The following POLM variants were observed in gnomAD, a reference collection of about 807,000 sequenced individuals.
The protein encoded by POLM is DNA-directed DNA/RNA polymerase mu.
A neutral mutation model predicts 56.7 loss-of-function variants in POLM; 52 were observed. The observed-to-expected ratio is 0.92, with a 90% CI of 0.73 to 1.15. The LOEUF is 1.15. Among genes scored for constraint, POLM ranks in the 50% most tolerant of loss-of-function variants. POLM has a pLI of 0.00. For missense variants in POLM, 660 were observed against 663.6 expected, an observed-to-expected ratio of 0.99 and a Z score of 0.06; for synonymous variants, 273 against 274.3, an observed-to-expected ratio of 1.00 and a Z score of 0.05.
At position 44,079,592 on chromosome 7, in the gene POLM, T is replaced by G. The variant is rs774825076; in HGVS notation, c.621A>C (p.Glu207Asp). 6 of 1,610,582 alleles carry G rather than the reference T, an allele frequency of 3.7e-6. No individual in the cohort carries two copies. Among genetic ancestry groups the G allele is most frequent in the South Asian group, 3.3e-5 (3 of 91,050 alleles). Residue 207 changes from glutamate to aspartate, a missense_variant, in exon 4 of 11, where the codon GAA becomes GAC. Physicochemically the swap from Glu to Asp is conservative, Grantham distance 45. Coordinates refer to ENST00000242248, the MANE Select transcript of POLM (RefSeq NM_013284.4). ...CTACCTGGACAACCCTAGAGGAGTGTTCTCCAAAGTGGGGAAGCCCCTGCA... is the reference window on the plus strand; with the variant it reads ...CTACCTGGACAACCCTAGAGGAGTGGTCTCCAAAGTGGGGAAGCCCCTGCA... ...SQLQGLPHFG[E>D]HSSRVVQELL... is the part of the protein sequence containing the mutation.
chr7:44,076,444 T>G (rs1475836947), intron 6 of POLM, 65 bp downstream of exon 6: 2 of 1,602,882 alleles, frequency 1.2e-6, no homozygotes, highest in Non-Finnish European at 1.7e-6. Context: ...TCTAGGGAGT[T>G]GATGCTGAGG....
In POLM at chr7:44,073,333, G is replaced by C. The variant is rs2096173511; in HGVS notation, c.1443C>G (p.His481Gln). ...QAASEEDIFR[H>Q]LGLEYLPPEQ... The stretch of plus-strand genomic sequence containing the variant: ...CTGGAGGAAGGTACTCAAGGCCCAG[G>C]TGTCTGAAGATGTCTTCCTCTGAAG... The change falls in exon 11 of 11, where the codon CAC becomes CAG. Residue 481 changes from histidine (H) to glutamine (Q), a missense_variant. Coordinates refer to ENST00000242248, the MANE Select transcript of POLM (RefSeq NM_013284.4). 2 of 1,614,216 alleles carry C rather than the reference G, an allele frequency of 1.2e-6. No individual in the cohort carries two copies. Among genetic ancestry groups the C allele is most frequent in the South Asian group, 1.1e-5 (1 of 91,088 alleles).
chr7:44,080,208 T>C (rs949402677), intron 2 of POLM, among the ~76,000 whole-genome samples: 2 of 152,220 alleles, frequency 1.3e-5, no homozygotes, highest in African/African-American at 2.4e-5. Context: ...GCACTTCTCC[T>C]GCTGCTGCAC....
In POLM at chr7:44,072,288, G is replaced by T. The variant is rs2096170726; in HGVS notation, c.*1003C>A. ...AAAATATTTTTTAATGTGATGAGTG[G>T]TCTGGGAAATCCTCGCCTAACAAAG... is the stretch of plus-strand genomic sequence containing the variant. On this transcript the variant is annotated 3_prime_UTR_variant, in exon 11 of 11. Coordinates refer to ENST00000242248, the MANE Select transcript of POLM (RefSeq NM_013284.4). 6.6e-6 allele frequency: 1 copy of T among 152,228 alleles called. No homozygotes were observed. Among genetic ancestry groups the T allele is most frequent in the Admixed American group, 6.5e-5 (1 of 15,284 alleles). 9.4% of individuals were successfully genotyped at this position (152,228 alleles called of 1,614,324 possible).
intron 4 of POLM, 99 bp from the exon 5 acceptor site, chr7:44,078,910 C>A: frequency 1.1e-6 from 1 of 903,084 alleles, no homozygotes. Context: ...AGGACTGAGG[C>A]AGTCCCCTCC....
In POLM at chr7:44,080,934, G is replaced by A. The variant is rs146612313; in HGVS notation, c.189-18C>T. On this transcript the variant is annotated intron_variant, in intron 1 of 10. Coordinates refer to ENST00000242248, the MANE Select transcript of POLM (RefSeq NM_013284.4). ...CTTCGGAGCTGGTGGAGGGAGTTGG[G>A]AGAGAAGGAGGAGGGTGAGGCCCAG... 9.4e-5 allele frequency: 145 copies of A among 1,544,344 alleles called. No individual in the cohort carries two copies. In the East Asian group the frequency reaches 2.9e-3, roughly 30 times the overall value.
At chr7:44,078,887 G>A (rs1044611935) in intron 4 of POLM, 76 bp from the exon 5 acceptor site, 3 of 1,279,848 alleles carry the variant, frequency 2.3e-6, no homozygotes, top group Non-Finnish European at 3.3e-6. Flanking sequence ...TTAGGGTCAG[G>A]GCTGGGGGCC....
chr7:44,080,087 G>A, intron 2 of POLM, 128 bp from the exon 3 acceptor site: 1 of 692,298 alleles, frequency 1.4e-6, no homozygotes, highest in Non-Finnish European at 2.6e-6. Flanking sequence ...ACAGAGGTGG[G>A]CAACAAAACA....
At chr7:44,080,324 G>A in intron 2 of POLM, 1 of 541,902 alleles carries the variant, frequency 1.8e-6, no homozygotes, top group Non-Finnish European at 3.5e-6. Context: ...CACAGGCTGG[G>A]CCAGGATTTG....
At position 44,078,814 on chromosome 7, in the gene POLM, G is replaced by A. The variant is rs765606277; in HGVS notation, c.643-3C>T. The A allele has an allele frequency of 2.5e-6, 4 of 1,612,692 alleles. No homozygotes were observed. The highest frequency in any genetic ancestry group is 1.7e-5 in the Admixed American group (1 of 59,934). ...CACACTCCATGCTCCAGCAGCTCCTGGGGGAGGGAACAAAGCAGAACTCTA... is the reference window on the plus strand; with the variant it reads ...CACACTCCATGCTCCAGCAGCTCCTAGGGGAGGGAACAAAGCAGAACTCTA... On this transcript the variant is annotated splice_region_variant and splice_polypyrimidine_tract_variant and intron_variant, in intron 4 of 10. Coordinates refer to ENST00000242248, the MANE Select transcript of POLM (RefSeq NM_013284.4).
chr7:44,081,056 T>C, intron 1 of POLM, 140 bp from the exon 2 acceptor site: 1 of 656,604 alleles, frequency 1.5e-6, no homozygotes, highest in Non-Finnish European at 2.5e-6. Context: ...CCAGAAAGCC[T>C]TCCCAGCCCC....
intron 7 of POLM, 40 bp downstream of exon 7, chr7:44,074,358 G>A (rs767409422): frequency 4.1e-5 from 64 of 1,550,350 alleles, no homozygotes; most frequent in Non-Finnish European, 5.3e-5. Flanking sequence ...CTGGGGAGGG[G>A]TCTGAAGCCA....
chr7:44,079,984 A>G (rs748723548), intron 2 of POLM, 25 bp from the exon 3 acceptor site: 3 of 1,530,234 alleles, frequency 2.0e-6, no homozygotes, highest in Non-Finnish European at 1.8e-6. Flanking sequence ...TAAACAGGTC[A>G]CTGTGAGGCT....
Position 44,074,529 on chromosome 7 carries a change from C to T in POLM, c.837G>A (p.Gly279=). 1 of 1,568,278 alleles carries T rather than the reference C, an allele frequency of 6.4e-7. No individual in the cohort carries two copies. ...PQKLTQQQKA[G]LQHHQDLSTP... ...TGCTCAGGTCCTGGTGGTGCTGGAG[C>T]CCTGGGGGCAACACCGGCCCTCCTG... Residue 279 remains glycine (G), a splice_region_variant and synonymous_variant, in exon 7 of 11, where the codon GGG becomes GGA. Transcript: ENST00000242248.
chr7:44,076,925 C>A, intron 5 of POLM: 1 of 277,458 alleles, frequency 3.6e-6, no homozygotes, highest in Non-Finnish European at 6.8e-6. Flanking sequence ...CACATCAGCA[C>A]GAGGGGCTCC....
intron 5 of POLM, 73 bp downstream of exon 5, chr7:44,078,667 G>C: frequency 7.2e-7 from 1 of 1,386,848 alleles, no homozygotes; most frequent in East Asian, 2.3e-5. Flanking sequence ...GCCTCCCCGT[G>C]CATGGTGTGG....
chr7:44,075,718 CT>C (rs1199628874), intron 6 of POLM: 419 of 133,030 alleles, frequency 3.1e-3, no homozygotes, highest in African/African-American at 6.7e-3. Context: ...TCCTTCCCAC[CT>C]TTTTTTTTTT....
In POLM at chr7:44,074,491, C is replaced by A; in HGVS notation, c.875G>T (p.Arg292Leu). Residue 292 changes from arginine (R) to leucine (L), a missense_variant, in exon 7 of 11, where the codon CGG becomes CTG. Transcript: ENST00000242248. ...CTGCTGCAGGGCATCTACATCGGAC[C>A]GCAGGACTGGGGTGCTCAGGTCCTG... is the stretch of plus-strand genomic sequence containing the variant. ...HHQDLSTPVLRSDVDALQQVV... is the reference protein window; with the variant it reads ...HHQDLSTPVLLSDVDALQQVV... The A allele has an allele frequency of 1.3e-6, 2 of 1,598,214 alleles. No homozygotes were observed. The highest frequency in any genetic ancestry group is 2.3e-5 in the South Asian group (2 of 87,998).
rs1245672373 is a variant in POLM, at chr7:44,078,751, G to A, written c.703C>T (p.Gln235Ter). 6.2e-7 allele frequency: 1 copy of A among 1,613,808 alleles called. No individual in the cohort carries two copies. The highest frequency in any genetic ancestry group is 1.3e-5 in the African/African-American group (1 of 75,014). ...VERVRRSERY[Q>*]TMKLFTQIFG... is the part of the protein sequence containing the mutation. ...CCTGCCCTGCGCACCTTCATGGTCT[G>A]GTACCTCTCTGAGCGCCGAACTCTC... Residue 235 changes from glutamine (Q) to a stop codon, truncating the protein, a stop_gained, in exon 5 of 11, where the codon CAG (glutamine) becomes TAG (stop). Coordinates refer to ENST00000242248, the MANE Select transcript of POLM (RefSeq NM_013284.4). LOFTEE classifies it high-confidence loss of function.
Sources: allele counts gnomAD v4.1 joint callset (sites outside exome capture counted in the v4.1 genomes callset), GRCh38; gene constraint gnomAD v4.1.1; transcripts MANE v1.5; gene names NCBI Gene and HGNC (gene_info 2026-07-23, HGNC 2026-07-21).